Variants in MYLK observed in about 807,000 individuals in gnomAD.
MYLK encodes the protein myosin light chain kinase.
Under a neutral mutation model 203.4 loss-of-function variants are expected in MYLK, and 106 were observed. The ratio of observed to expected loss-of-function variants is 0.52; its 90% CI spans 0.45 to 0.61. The LOEUF is 0.61. Ranked by LOEUF, MYLK falls within the 20% of genes least tolerant of loss-of-function variation. MYLK has a pLI of 0.00. For missense variants in MYLK, 2,072 were observed against 2,442.3 expected, an observed-to-expected ratio of 0.85 and a Z score of 3.20; for synonymous variants, 867 against 959.5, an observed-to-expected ratio of 0.90 and a Z score of 1.78.
chr3:123,739,964 G>A lies in MYLK; in HGVS notation c.411C>T (p.Ser137=). 1.2e-6 allele frequency: 2 copies of A among 1,613,902 alleles called. No individual in the cohort carries two copies. The highest frequency in any genetic ancestry group is 1.7e-6 in the Non-Finnish European group (2 of 1,179,848). ...FAKQLGQPVV[S]KTLGDRFSAP... ...CATCCAGGACTTACCCTAAGGTTTTGGAAACAACAGGCTGACCAAGCTGCT... is the reference window on the plus strand; with the variant it reads ...CATCCAGGACTTACCCTAAGGTTTTAGAAACAACAGGCTGACCAAGCTGCT... The change falls in exon 6 of 34, where the codon TCC becomes TCT. Residue 137 remains serine, a synonymous_variant. Coordinates refer to ENST00000360304, the MANE Select transcript of MYLK (RefSeq NM_053025.4).
chr3:123,654,297 T>C (rs1476310628), intron 24 of MYLK, among the ~76,000 whole-genome samples: 1 of 152,218 alleles, frequency 6.6e-6, no homozygotes, highest in Non-Finnish European at 1.5e-5. Flanking sequence ...GGAGCCCTTG[T>C]TTAATTGAAA....
chr3:123,696,425 G>T (rs2060928823), intron 18 of MYLK, among the ~76,000 whole-genome samples: 1 of 152,110 alleles, frequency 6.6e-6, no homozygotes, highest in African/African-American at 2.4e-5. Context: ...GGCAGGGCCA[G>T]TGCTGAGCTG....
chr3:123,645,863 G>A (rs1199224632), intron 27 of MYLK, among the ~76,000 whole-genome samples: 1 of 152,234 alleles, frequency 6.6e-6, no homozygotes, highest in Admixed American at 6.5e-5. Flanking sequence ...AGCAAAGTAG[G>A]TTGGGTGCGG....
intron 11 of MYLK, among the ~76,000 whole-genome samples, chr3:123,726,479 T>G (rs1046072245): frequency 6.6e-6 from 1 of 152,188 alleles, no homozygotes; most frequent in African/African-American, 2.4e-5. Flanking sequence ...ATATGTCCCA[T>G]CAGTGATTAC....
At chr3:123,649,928 C>T (rs1367936366) in intron 24 of MYLK, among the ~76,000 whole-genome samples, 2 of 152,116 alleles carry the variant, frequency 1.3e-5, no homozygotes, top group Non-Finnish European at 2.9e-5. Flanking sequence ...ACAATGAAGG[C>T]GTGAGTGATG....
rs79040346 is a variant in MYLK, at chr3:123,629,121, G to C, written c.5114+353C>G. ...CCTTCCCCTGCAGCCCCTGAAGAGG[G>C]CTGTGGCTGGCCACAACTGTACCCA... On this transcript the variant is annotated intron_variant, in intron 30 of 33. Coordinates refer to ENST00000360304, the MANE Select transcript of MYLK (RefSeq NM_053025.4). The surrounding 1 kb of genome is among the most constrained non-coding windows in gnomAD (Gnocchi z 4.4). Among the ~76,000 whole-genome samples the C allele has an allele frequency of 0.094, 14,247 of 152,182 alleles. 767 individuals are homozygous for C. The highest frequency in any genetic ancestry group is 0.15 in the Middle Eastern group (45 of 294).
At chr3:123,753,372 G>A (rs577074310) in intron 4 of MYLK, among the ~76,000 whole-genome samples, 12 of 152,258 alleles carry the variant, frequency 7.9e-5, no homozygotes, top group Non-Finnish European at 1.6e-4. Flanking sequence ...ATGGGGTAGT[G>A]CTGCTCTAGA....
intron 2 of MYLK, among the ~76,000 whole-genome samples, chr3:123,860,012 T>G (rs1173310231): frequency 6.6e-6 from 1 of 151,812 alleles, no homozygotes; most frequent in African/African-American, 2.4e-5. Context: ...GGCATGATTC[T>G]AAACTAAACA....
intron 2 of MYLK, among the ~76,000 whole-genome samples, chr3:123,848,983 G>C (rs1325834440): frequency 1.3e-5 from 2 of 152,024 alleles, no homozygotes; most frequent in Admixed American, 6.6e-5. Context: ...CTTTTTGGTA[G>C]GAATTGAGGG....
At chr3:123,677,135 C>A (rs2060096557) in intron 20 of MYLK, among the ~76,000 whole-genome samples, 1 of 152,220 alleles carries the variant, frequency 6.6e-6, no homozygotes, top group Non-Finnish European at 1.5e-5. Context: ...GTGACCTAAA[C>A]TATACTTGCT....
intron 2 of MYLK, among the ~76,000 whole-genome samples, chr3:123,847,025 C>T (rs1348619382): frequency 6.6e-6 from 1 of 151,978 alleles, no homozygotes; most frequent in East Asian, 1.9e-4. Context: ...GGGTTCTGCA[C>T]CCACGGCTTC....
intron 18 of MYLK, among the ~76,000 whole-genome samples, chr3:123,698,458 G>A (rs1000191482): frequency 1.3e-5 from 2 of 152,132 alleles, no homozygotes; most frequent in African/African-American, 4.8e-5. Context: ...CCCAGTCAGG[G>A]TTTCCAATCA....
intron 32 of MYLK, among the ~76,000 whole-genome samples, chr3:123,619,756 A>G (rs899557508): frequency 6.6e-6 from 1 of 152,232 alleles, no homozygotes; most frequent in African/African-American, 2.4e-5. Flanking sequence ...AAGAATGTGG[A>G]CCATATGAGT....
chr3:123,782,595 T>G (rs940514180), intron 4 of MYLK, among the ~76,000 whole-genome samples: 1 of 152,202 alleles, frequency 6.6e-6, no homozygotes, highest in Non-Finnish European at 1.5e-5. Flanking sequence ...CTATCGCTCA[T>G]GCCTGTGTAG....
chr3:123,839,276 A>G (rs192497836), intron 2 of MYLK, among the ~76,000 whole-genome samples: 234 of 152,300 alleles, frequency 1.5e-3, no homozygotes, highest in African/African-American at 5.2e-3. Context: ...AGACTGTATA[A>G]AAAAGTAAGA....
At position 123,851,102 on chromosome 3, in the gene MYLK, A is replaced by G. The variant is rs542592487; in HGVS notation, c.-126-19432T>C. On this transcript the variant is annotated intron_variant, in intron 2 of 33. Transcript: ENST00000360304. ...GGGCTCTGTTTTGTTCCATTGGTCT[A>G]TATCTCTGTTTTGGTACCAGTACCA... Among the ~76,000 whole-genome samples the G allele has an allele frequency of 7.9e-5, 12 of 152,218 alleles. No individual in the cohort carries two copies. In the South Asian group the frequency reaches 2.5e-3, roughly 32 times the overall value.
Position 123,733,700 on chromosome 3 carries a change from C to A in MYLK, c.1296G>T (p.Lys432Asn), listed in dbSNP as rs780388931. The A allele has an allele frequency of 3.1e-5, 50 of 1,614,156 alleles. No homozygotes were observed. The highest frequency in any genetic ancestry group is 4.2e-5 in the Non-Finnish European group (50 of 1,180,030). ...SQEVKENQTV[K>N]FRCEVSGIPK... ...ACCTCTACTCACCTTCACATCTGAA[C>A]TTGACAGTTTGATTTTCCTTGACCT... The change falls in exon 10 of 34, where the codon AAG becomes AAT. Residue 432 changes from lysine to asparagine, a missense_variant. By Grantham distance (94) the Lys-to-Asn change is moderately conservative. This residue lies in a region of MYLK where 683 missense variants were observed against 643.8 expected (regional missense o/e 1.06). Coordinates refer to ENST00000360304, the MANE Select transcript of MYLK (RefSeq NM_053025.4).
chr3:123,869,737 A>G (rs955287107), intron 2 of MYLK, among the ~76,000 whole-genome samples: 2 of 152,160 alleles, frequency 1.3e-5, no homozygotes, highest in Non-Finnish European at 2.9e-5. Flanking sequence ...AAGTTGTTAC[A>G]TCTCCATTTT....
intron 2 of MYLK, among the ~76,000 whole-genome samples, chr3:123,861,117 G>A (rs532643887): frequency 6.9e-6 from 1 of 144,484 alleles, no homozygotes; most frequent in South Asian, 2.2e-4. Context: ...GCGATAGAGC[G>A]AGACCCTGTC....
Sources: allele counts gnomAD v4.1 joint callset (sites outside exome capture counted in the v4.1 genomes callset), GRCh38; gene constraint gnomAD v4.1.1; regional missense constraint gnomAD v4.1.1; non-coding constraint Gnocchi (gnomAD v3.1); transcripts MANE v1.5; gene names NCBI Gene and HGNC (gene_info 2026-07-23, HGNC 2026-07-21).